The following GLIS3 variants were observed in gnomAD, a reference collection of about 807,000 sequenced individuals.
GLIS3 encodes the protein zinc finger protein GLIS3.
GLIS3 carries 53 observed loss-of-function variants against 78.6 expected under a neutral mutation model. That is an observed-to-expected ratio of 0.67 (90% CI 0.54 to 0.85). The LOEUF is 0.85. Ranked by LOEUF, GLIS3 falls within the 40% of genes least tolerant of loss-of-function variation. The pLI is 0.00. For missense variants in GLIS3, 1,703 were observed against 1,231.1 expected (o/e 1.38, Z -5.74); for synonymous variants, 684 against 509.9 (o/e 1.34, Z -4.60).
intron 4 of GLIS3, among the ~76,000 whole-genome samples, chr9:4,041,188 T>C (rs2130365574): frequency 6.6e-6 from 1 of 152,262 alleles, no homozygotes; most frequent in South Asian, 2.1e-4. Context: ...GGAAGCTTAT[T>C]AAAAGCCCCG....
chr9:3,885,653 A>G (rs2025337), intron 7 of GLIS3, among the ~76,000 whole-genome samples: 150,181 of 152,258 alleles, frequency 0.99, 74,104 homozygotes, highest in East Asian at 1. Context: ...GAGCTTTCAC[A>G]GGGACACTGA....
At chr9:4,242,515 C>T (rs1823412827) in intron 2 of GLIS3, among the ~76,000 whole-genome samples, 1 of 152,178 alleles carries the variant, frequency 6.6e-6, no homozygotes, top group South Asian at 2.1e-4. Context: ...ACCTGCTGGG[C>T]ATGACCAATG....
In GLIS3 at chr9:4,215,717, G is replaced by A. The variant is rs554761385; in HGVS notation, c.388+70321C>T. Among the ~76,000 whole-genome samples, 17 of 152,144 alleles carry A rather than the reference G, an allele frequency of 1.1e-4. 1 individual carries two copies. Among genetic ancestry groups the A allele is most frequent in the Non-Finnish European group, 5.9e-5 (4 of 68,010 alleles). On this transcript the variant is annotated intron_variant, in intron 2 of 10. Transcript: ENST00000381971. ...TGAAAGCTGTAGATTCTGAAAACAC[G>A]TCCATATAATTTAACCACTTCAAAG...
At chr9:3,936,959 C>T (rs892803647) in intron 5 of GLIS3, 69 bp downstream of exon 5, 1 of 1,575,792 alleles carries the variant, frequency 6.3e-7, no homozygotes, top group East Asian at 2.2e-5. Context: ...TTCACCAGCC[C>T]ACTATCAAGC....
the GLIS3 span, among the ~76,000 whole-genome samples, chr9:4,465,579 T>C: frequency 6.6e-6 from 1 of 152,054 alleles, no homozygotes; most frequent in Non-Finnish European, 1.5e-5. Flanking sequence ...AGATAATAAA[T>C]AATAATTCTT....
Position 3,949,486 on chromosome 9 carries a change from C to T in GLIS3, c.1711-12297G>A, listed in dbSNP as rs557425413. On this transcript the variant is annotated intron_variant, in intron 4 of 10. Coordinates refer to ENST00000381971, the MANE Select transcript of GLIS3 (RefSeq NM_001042413.2). ...AATTCTAGAAGAACCTACAAGATTG[C>T]ACATTCAGCCAAACAACGAAATATC... Among the ~76,000 whole-genome samples, 4 of 152,320 alleles carry T rather than the reference C, an allele frequency of 2.6e-5. No homozygotes were observed. The East Asian group carries it at 7.7e-4, about 29-fold the overall frequency.
intron 2 of GLIS3, among the ~76,000 whole-genome samples, chr9:4,332,237 G>T (rs1349095448): frequency 6.6e-6 from 1 of 152,172 alleles, no homozygotes; most frequent in Non-Finnish European, 1.5e-5. Flanking sequence ...GACCCTAATA[G>T]TCAACATTCA....
At chr9:3,967,931 G>A (rs1004715078) in intron 4 of GLIS3, among the ~76,000 whole-genome samples, 3 of 152,158 alleles carry the variant, frequency 2.0e-5, no homozygotes, top group African/African-American at 4.8e-5. Flanking sequence ...ATTGTTGTGA[G>A]CAAATAATGC....
chr9:4,287,632 T>C (rs1180315856), intron 1 of GLIS3, among the ~76,000 whole-genome samples: 3 of 152,118 alleles, frequency 2.0e-5, no homozygotes, highest in East Asian at 3.9e-4. Flanking sequence ...AAAGCAGGAG[T>C]GACCAGATAT....
chr9:4,203,967 G>C (rs1023218789), intron 2 of GLIS3, among the ~76,000 whole-genome samples: 1 of 152,208 alleles, frequency 6.6e-6, no homozygotes, highest in African/African-American at 2.4e-5. Context: ...AGTGGGGAAA[G>C]AGAAATGGGG....
chr9:3,932,678 G>A, intron 5 of GLIS3: 1 of 526,592 alleles, frequency 1.9e-6, no homozygotes, highest in South Asian at 1.9e-5. Flanking sequence ...GGAACAAAGA[G>A]ATGCCCTATC....
At chr9:3,920,713 T>G (rs1014859585) in intron 6 of GLIS3, among the ~76,000 whole-genome samples, 1 of 152,060 alleles carries the variant, frequency 6.6e-6, no homozygotes, top group Admixed American at 6.6e-5. Flanking sequence ...TATTTGCTTA[T>G]GTACACATGA....
intron 2 of GLIS3, among the ~76,000 whole-genome samples, chr9:4,323,119 G>C (rs540837152): frequency 6.6e-6 from 1 of 152,210 alleles, no homozygotes; most frequent in Non-Finnish European, 1.5e-5. Flanking sequence ...TCCAGTTTCA[G>C]CCTTCTACAT....
At chr9:4,173,017 AT>A (rs988625456) in intron 2 of GLIS3, among the ~76,000 whole-genome samples, 1 of 152,058 alleles carries the variant, frequency 6.6e-6, no homozygotes, top group Non-Finnish European at 1.5e-5. Flanking sequence ...GTATTTATTT[AT>A]TTTTTTAACA....
chr9:4,136,464 A>G (rs1833415441), intron 2 of GLIS3, among the ~76,000 whole-genome samples: 2 of 152,218 alleles, frequency 1.3e-5, no homozygotes, highest in South Asian at 4.1e-4. Flanking sequence ...AAAGTTAAAC[A>G]TATCTCTTTA....
At chr9:4,228,562 G>T (rs1479502688) in intron 2 of GLIS3, among the ~76,000 whole-genome samples, 2 of 152,172 alleles carry the variant, frequency 1.3e-5, no homozygotes, top group Non-Finnish European at 2.9e-5. Flanking sequence ...AGATGAAGCT[G>T]CAAATACAGC....
At chr9:3,980,171 T>G (rs562987986) in intron 4 of GLIS3, among the ~76,000 whole-genome samples, 1 of 152,346 alleles carries the variant, frequency 6.6e-6, no homozygotes, top group Admixed American at 6.5e-5. Flanking sequence ...GTAAGAGGTC[T>G]GCTGCTTAAA....
At position 4,162,887 on chromosome 9, in the gene GLIS3, C is replaced by T. The variant is rs1370107298; in HGVS notation, c.389-36946G>A. On this transcript the variant is annotated intron_variant, in intron 2 of 10. Coordinates refer to ENST00000381971, the MANE Select transcript of GLIS3 (RefSeq NM_001042413.2). ...AAAAAAAAAAAAAAAAAAAATCAAT[C>T]GCCAACAGATCCATCCATGCAAAAA... is the stretch of plus-strand genomic sequence containing the variant. Among the ~76,000 whole-genome samples the T allele has an allele frequency of 2.7e-5, 4 of 148,106 alleles. No homozygotes were observed. The South Asian group carries it at 8.6e-4, about 32-fold the overall frequency.
intron 2 of GLIS3, among the ~76,000 whole-genome samples, chr9:4,261,737 G>A (rs930592939): frequency 6.6e-6 from 1 of 152,056 alleles, no homozygotes; most frequent in Non-Finnish European, 1.5e-5. Context: ...TTCACTAAAC[G>A]CAATTCCCAT....
Sources: gnomAD v4.1 joint callset for allele counts (sites outside exome capture counted in the v4.1 genomes callset) on GRCh38, gnomAD v4.1.1 for gene constraint, MANE v1.5 for transcripts, NCBI Gene and HGNC (gene_info 2026-07-23, HGNC 2026-07-21) for gene names.